Variants in WDPCP observed in about 807,000 individuals in gnomAD.
WDPCP encodes the protein WD repeat containing planar cell polarity effector, also known as WD repeat-containing and planar cell polarity effector protein fritz homolog.
Under a neutral mutation model 93.1 loss-of-function variants are expected in WDPCP, and 71 were observed. The observed-to-expected ratio is 0.76, with a 90% CI of 0.63 to 0.93. The LOEUF is 0.93. WDPCP is among the 40% of genes least tolerant of loss of function. The pLI is 0.00. For missense variants in WDPCP, 844 were observed against 887.4 expected, an observed-to-expected ratio of 0.95 and a Z score of 0.62; for synonymous variants, 315 against 315.0, an observed-to-expected ratio of 1.00 and a Z score of 0.00.
At chr2:63,383,375 A>G (rs1692476462) in intron 10 of WDPCP, among the ~76,000 whole-genome samples, 1 of 152,158 alleles carries the variant, frequency 6.6e-6, no homozygotes, top group South Asian at 2.1e-4. Context: ...GTGAAATAAT[A>G]AAGCAAAAAC....
chr2:63,535,095 T>G (rs1012843532), intron 1 of WDPCP, among the ~76,000 whole-genome samples: 3 of 152,096 alleles, frequency 2.0e-5, no homozygotes, highest in Non-Finnish European at 4.4e-5. Context: ...AAATCATGAG[T>G]GAACTCCCAT....
chr2:63,475,583 C>A (rs1319462276), intron 6 of WDPCP, among the ~76,000 whole-genome samples: 1 of 152,052 alleles, frequency 6.6e-6, no homozygotes, highest in Non-Finnish European at 1.5e-5. Flanking sequence ...AGATGGGTTT[C>A]TTGTTGAGCC....
intron 2 of WDPCP, among the ~76,000 whole-genome samples, chr2:63,808,049 GA>G (rs1179621561): frequency 6.6e-6 from 1 of 152,106 alleles, no homozygotes; most frequent in Non-Finnish European, 1.5e-5. Flanking sequence ...AAAATCTGGA[GA>G]AATTGAGCTC....
chr2:63,489,666 G>A (rs372228545), intron 2 of WDPCP, among the ~76,000 whole-genome samples: 1 of 152,110 alleles, frequency 6.6e-6, no homozygotes, highest in Non-Finnish European at 1.5e-5. Context: ...CTTGAAGAGG[G>A]TCCCTCTGGC....
chr2:63,403,813 C>G, intron 10 of WDPCP: 1 of 522,994 alleles, frequency 1.9e-6, no homozygotes, highest in Non-Finnish European at 3.3e-6. Flanking sequence ...AAAATTAGGG[C>G]TTTTGAAGCA....
At chr2:63,712,602 C>T (rs927307022) in intron 2 of WDPCP, among the ~76,000 whole-genome samples, 1 of 152,176 alleles carries the variant, frequency 6.6e-6, no homozygotes, top group Non-Finnish European at 1.5e-5. Context: ...CAGCATCAGG[C>T]TTTCTCCTGT....
chr2:63,155,404 A>C (rs1366504734), intron 15 of WDPCP, among the ~76,000 whole-genome samples: 1 of 152,102 alleles, frequency 6.6e-6, no homozygotes, highest in African/African-American at 2.4e-5. Context: ...TTCTCCATTG[A>C]ATTACCTTTG....
chr2:63,792,943 T>C (rs561709631), intron 2 of WDPCP, among the ~76,000 whole-genome samples: 6 of 151,778 alleles, frequency 4.0e-5, no homozygotes, highest in East Asian at 1.9e-4. Context: ...AGAACTACCA[T>C]GGTAGAAGCC....
intron 1 of WDPCP, among the ~76,000 whole-genome samples, chr2:63,521,185 C>T (rs1026340559): frequency 6.6e-6 from 1 of 152,284 alleles, no homozygotes; most frequent in Middle Eastern, 3.4e-3. Context: ...AACAACATGA[C>T]AGAATCAAAT....
intron 12 of WDPCP, among the ~76,000 whole-genome samples, chr2:63,369,618 T>C (rs1443076276): frequency 6.6e-6 from 1 of 152,208 alleles, no homozygotes; most frequent in East Asian, 1.9e-4. Flanking sequence ...TGAAGAAAAG[T>C]CTTAAGATTC....
intron 3 of WDPCP, among the ~76,000 whole-genome samples, chr2:63,598,432 C>T (rs1413881269): frequency 6.6e-6 from 1 of 152,082 alleles, no homozygotes; most frequent in Non-Finnish European, 1.5e-5. Flanking sequence ...CCCAGCCAAA[C>T]CTTCTTTTAT....
intron 2 of WDPCP, among the ~76,000 whole-genome samples, chr2:63,722,341 C>T (rs938499782): frequency 1.9e-4 from 29 of 150,682 alleles, no homozygotes; most frequent in Non-Finnish European, 3.9e-4. Context: ...TCTGCCCGGC[C>T]GCCCATCGTC....
chr2:63,457,250 T>C (rs550859646), intron 6 of WDPCP, among the ~76,000 whole-genome samples: 8 of 152,074 alleles, frequency 5.3e-5, no homozygotes, highest in Non-Finnish European at 1.2e-4. Flanking sequence ...AATTGCTGAA[T>C]GCATACAACC....
chr2:63,321,952 A>C (rs1687131815), intron 12 of WDPCP, among the ~76,000 whole-genome samples: 1 of 152,184 alleles, frequency 6.6e-6, no homozygotes, highest in African/African-American at 2.4e-5. Context: ...GTACATATTT[A>C]ATGTATACAA....
chr2:63,430,155 G>A (rs1402727969), intron 9 of WDPCP, among the ~76,000 whole-genome samples: 1 of 152,136 alleles, frequency 6.6e-6, no homozygotes, highest in African/African-American at 2.4e-5. Flanking sequence ...TCTTATAAGT[G>A]GGAGCTAAAC....
chr2:63,387,781 C>T (rs183434546), intron 10 of WDPCP, among the ~76,000 whole-genome samples: 4 of 152,058 alleles, frequency 2.6e-5, no homozygotes, highest in Non-Finnish European at 5.9e-5. Flanking sequence ...CAAAGTTTCA[C>T]GATACAAAAC....
At chr2:63,263,470 C>T (rs906533674) in intron 13 of WDPCP, among the ~76,000 whole-genome samples, 1 of 152,162 alleles carries the variant, frequency 6.6e-6, no homozygotes, top group African/African-American at 2.4e-5. Flanking sequence ...TTCTCTGTCT[C>T]ATGTGTTTAC....
chr2:63,630,450 T>C (rs1448865413), intron 3 of WDPCP, among the ~76,000 whole-genome samples: 4 of 151,908 alleles, frequency 2.6e-5, no homozygotes, highest in Non-Finnish European at 1.5e-5. Flanking sequence ...AAAGATATCA[T>C]GCAAACATTA....
chr2:63,744,206 C>T (rs1451394472), intron 2 of WDPCP, among the ~76,000 whole-genome samples: 1 of 152,124 alleles, frequency 6.6e-6, no homozygotes, highest in Non-Finnish European at 1.5e-5. Context: ...AATATTCATA[C>T]TTTACAGCTT....
Sources: gnomAD v4.1 joint callset for allele counts (sites outside exome capture counted in the v4.1 genomes callset) on GRCh38, gnomAD v4.1.1 for gene constraint, MANE v1.5 for transcripts, NCBI Gene and HGNC (gene_info 2026-07-23, HGNC 2026-07-21) for gene names.